The following HACE1 variants were observed in gnomAD, a reference collection of about 807,000 sequenced individuals.
HACE1 encodes the protein E3 ubiquitin-protein ligase HACE1.
In HACE1, 73 loss-of-function variants were observed where a neutral mutation model predicts 118.4. That is an observed-to-expected ratio of 0.62 (90% CI 0.51 to 0.75). The LOEUF (loss-of-function observed/expected upper bound fraction) is 0.75, where lower values mean the gene tolerates loss of function less well. Among genes scored for constraint, HACE1 ranks in the 30% least tolerant of loss-of-function variants. The pLI, the probability that HACE1 is intolerant of heterozygous loss-of-function variation, is 0.00. For synonymous variants in HACE1, 368 were observed against 374.8 expected (o/e 0.98, Z 0.21); for missense variants, 749 against 1,102.2 (o/e 0.68, Z 4.54).
chr6:104,849,504 AT>A (rs11380259), intron 3 of HACE1, among the ~76,000 whole-genome samples: 123 of 137,294 alleles, frequency 9.0e-4, no homozygotes, highest in African/African-American at 2.8e-3. Context: ...CAATTGGGTA[AT>A]TTTTTTTTTT....
At chr6:104,749,938 A>G (rs999497655) in intron 20 of HACE1, among the ~76,000 whole-genome samples, 19 of 152,120 alleles carry the variant, frequency 1.2e-4, no homozygotes, top group African/African-American at 4.6e-4. Flanking sequence ...ATACTATACA[A>G]TAAGAAAAAC....
chr6:104,856,507 T>C (rs1036528285), intron 1 of HACE1, among the ~76,000 whole-genome samples: 18 of 152,048 alleles, frequency 1.2e-4, no homozygotes, highest in Admixed American at 2.6e-4. Context: ...CGATCTTGGC[T>C]CACTGCAACC....
chr6:104,810,150 T>C (rs1334617544), intron 7 of HACE1, among the ~76,000 whole-genome samples: 3 of 152,068 alleles, frequency 2.0e-5, no homozygotes, highest in Non-Finnish European at 2.9e-5. Flanking sequence ...CAAATGATGA[T>C]ATTATTCATA....
intron 11 of HACE1, among the ~76,000 whole-genome samples, chr6:104,789,183 G>A (rs906732017): frequency 3.3e-5 from 5 of 152,052 alleles, no homozygotes; most frequent in African/African-American, 9.7e-5. Flanking sequence ...GTAAATGGAA[G>A]GGCAGATCAT....
chr6:104,777,352 G>C, intron 14 of HACE1, 35 bp from the exon 15 acceptor site: 1 of 1,243,372 alleles, frequency 8.0e-7, no homozygotes, highest in Non-Finnish European at 1.2e-6. Context: ...TATGTTAGCA[G>C]TGTATCAGTC....
chr6:104,753,253 T>G (rs548498357), intron 19 of HACE1, among the ~76,000 whole-genome samples: 1 of 152,302 alleles, frequency 6.6e-6, no homozygotes, highest in Middle Eastern at 3.4e-3. Context: ...GGGACCGAGC[T>G]CCGGGGACAA....
chr6:104,744,417 GTTAA>G, intron 21 of HACE1, 91 bp downstream of exon 21: 2 of 840,406 alleles, frequency 2.4e-6, no homozygotes, highest in Non-Finnish European at 4.1e-6. Flanking sequence ...ACTTTACTTT[GTTAA>G]TTAATGTAAG....
chr6:104,830,133 A>T (rs1429901285), intron 6 of HACE1, among the ~76,000 whole-genome samples: 1 of 152,154 alleles, frequency 6.6e-6, no homozygotes, highest in Non-Finnish European at 1.5e-5. Flanking sequence ...GTCTTAGTAA[A>T]TGACACTCTG....
At chr6:104,771,117 G>A in intron 19 of HACE1, 76 bp downstream of exon 19, 1 of 1,048,464 alleles carries the variant, frequency 9.5e-7, no homozygotes, top group Non-Finnish European at 1.5e-6. Flanking sequence ...ACAAGTGCCA[G>A]AAGAATTTAG....
chr6:104,825,181 G>T (rs1773193182), intron 6 of HACE1, among the ~76,000 whole-genome samples: 1 of 152,060 alleles, frequency 6.6e-6, no homozygotes, highest in East Asian at 1.9e-4. Context: ...AGGAGAATAG[G>T]GTCTGCAGTC....
intron 17 of HACE1, among the ~76,000 whole-genome samples, chr6:104,774,040 G>A (rs1268747274): frequency 1.4e-5 from 2 of 143,832 alleles, no homozygotes; most frequent in East Asian, 4.3e-4. Flanking sequence ...AGCTAACTGA[G>A]TTCTTACCAC....
At chr6:104,742,718 T>C in intron 22 of HACE1, among the ~76,000 whole-genome samples, 1 of 151,740 alleles carries the variant, frequency 6.6e-6, no homozygotes, top group Non-Finnish European at 1.5e-5. Flanking sequence ...TTGGTGGGAC[T>C]GTAAACTAGT....
chr6:104,793,266 CAAAAAAAAA>C (rs397887197), intron 10 of HACE1, among the ~76,000 whole-genome samples: 4 of 92,888 alleles, frequency 4.3e-5, no homozygotes, highest in African/African-American at 1.5e-4. Context: ...GACTACATCT[CAAAAAAAAA>C]AAAAAAAAAA....
At chr6:104,837,443 A>G (rs570534688) in intron 5 of HACE1, among the ~76,000 whole-genome samples, 1 of 152,354 alleles carries the variant, frequency 6.6e-6, no homozygotes, top group African/African-American at 2.4e-5. Context: ...TAGGCAGAAA[A>G]AAAAGAGTAA....
At chr6:104,791,005 GA>G (rs1782967816) in intron 11 of HACE1, among the ~76,000 whole-genome samples, 1 of 152,032 alleles carries the variant, frequency 6.6e-6, no homozygotes. Flanking sequence ...AATATTTTAA[GA>G]AAATATCTCA....
intron 19 of HACE1, among the ~76,000 whole-genome samples, chr6:104,755,614 A>C (rs989118001): frequency 4.6e-5 from 7 of 152,222 alleles, no homozygotes; most frequent in African/African-American, 1.7e-4. Flanking sequence ...TTAGAACTCA[A>C]GATTAAGAAA....
At chr6:104,750,609 C>T (rs1029013520) in intron 19 of HACE1, 137 bp from the exon 20 acceptor site, 3 of 805,116 alleles carry the variant, frequency 3.7e-6, no homozygotes, top group African/African-American at 3.4e-5. Context: ...AGCAAATCAG[C>T]AAGCCACTAT....
At chr6:104,824,566 G>A (rs1773111482) in intron 6 of HACE1, among the ~76,000 whole-genome samples, 1 of 152,312 alleles carries the variant, frequency 6.6e-6, no homozygotes, top group South Asian at 2.1e-4. Context: ...AACACTACCT[G>A]AGAGTTTTAA....
chr6:104,780,213 G>A (rs929486234), intron 14 of HACE1: 1 of 220,538 alleles, frequency 4.5e-6, no homozygotes, highest in South Asian at 5.8e-5. Context: ...AAAACAAATG[G>A]AACCTTTTCA....
Sources: allele counts gnomAD v4.1 joint callset (sites outside exome capture counted in the v4.1 genomes callset), GRCh38; gene constraint gnomAD v4.1.1; transcripts MANE v1.5; gene names NCBI Gene and HGNC (gene_info 2026-07-23, HGNC 2026-07-21).